Variants in BID observed in about 807,000 individuals in gnomAD.
BID encodes BH3 interacting domain death agonist.
BID carries 19 observed loss-of-function variants against 17.4 expected under a neutral mutation model. That is an observed-to-expected ratio of 1.09 (90% CI 0.76 to 1.60). BID has a LOEUF of 1.60. Ranked by LOEUF, BID falls within the 40% of genes most tolerant of loss-of-function variation. The pLI is 0.00. For missense variants in BID, 226 were observed against 256.0 expected (o/e 0.88, Z 0.80); for synonymous variants, 108 against 102.8 (o/e 1.05, Z -0.31).
chr22:17,736,457 CAAAAAA>C (rs10559377), intron 5 of BID, among the ~76,000 whole-genome samples: 2 of 136,452 alleles, frequency 1.5e-5, no homozygotes, highest in African/African-American at 2.8e-5. Flanking sequence ...AATTCTGTCT[CAAAAAA>C]AAAAAAAAAA....
chr22:17,756,431 T>TCTTC (rs2061586201), intron 1 of BID, among the ~76,000 whole-genome samples: 1 of 55,558 alleles, frequency 1.8e-5, no homozygotes, highest in Non-Finnish European at 4.3e-5. Context: ...TTTCTTTCTT[T>TCTTC]CTTCTTTCTT....
chr22:17,755,185 C>T (rs553676771), intron 1 of BID, among the ~76,000 whole-genome samples: 53 of 150,976 alleles, frequency 3.5e-4, no homozygotes, highest in African/African-American at 9.0e-4. Flanking sequence ...CCCAGGTTCA[C>T]GCCATTCTCC....
chr22:17,737,785 G>GA (rs1285665955), intron 5 of BID, among the ~76,000 whole-genome samples: 1 of 152,216 alleles, frequency 6.6e-6, no homozygotes, highest in African/African-American at 2.4e-5. Context: ...CCACCCCTCT[G>GA]AATGGAGCAT....
intron 1 of BID, among the ~76,000 whole-genome samples, chr22:17,754,591 G>A (rs1755794386): frequency 6.6e-6 from 1 of 152,238 alleles, no homozygotes; most frequent in Admixed American, 6.5e-5. Context: ...ATAGAGGCAT[G>A]GGTCACACGG....
rs2061404877 is a variant in BID at position 17,734,275 on chromosome 22, T to A, written c.*1305A>T. 1 of 152,088 alleles carries A rather than the reference T, an allele frequency of 6.6e-6. No homozygotes were observed. Among genetic ancestry groups the A allele is most frequent in the Non-Finnish European group, 1.5e-5 (1 of 67,982 alleles). The allele number at this position is 152,088 out of a possible 1,614,324, so 9.4% of individuals were successfully genotyped here. ...GGTATGTATTGCATGCTGAACAATA[T>A]AGAGTTTGTTTTTCCTTTCTGATGA... On this transcript the variant is annotated 3_prime_UTR_variant, in exon 6 of 6. Transcript: ENST00000622694.
intron 1 of BID, among the ~76,000 whole-genome samples, chr22:17,751,052 G>A (rs1429998962): frequency 6.6e-6 from 1 of 151,792 alleles, no homozygotes; most frequent in African/African-American, 2.4e-5. Context: ...AAAAAGATCT[G>A]TGCGGCATCA....
intron 1 of BID, among the ~76,000 whole-genome samples, chr22:17,755,317 A>C (rs899696080): frequency 6.6e-6 from 1 of 152,166 alleles, no homozygotes; most frequent in South Asian, 2.1e-4. Context: ...TGCTCCGTGC[A>C]GTGCCAAGGA....
intron 1 of BID, among the ~76,000 whole-genome samples, chr22:17,757,502 A>G (rs1208015665): frequency 6.6e-6 from 1 of 151,136 alleles, no homozygotes; most frequent in East Asian, 1.9e-4. Flanking sequence ...AGGTCAGGAG[A>G]TCCAGACCAT....
intron 1 of BID, among the ~76,000 whole-genome samples, chr22:17,755,897 T>TCA (rs910841293): frequency 5.9e-5 from 9 of 152,188 alleles, no homozygotes; most frequent in African/African-American, 2.2e-4. Flanking sequence ...AGACGGAGTC[T>TCA]CACTCTGTCG....
At chr22:17,761,591 C>T (rs1157948024) in intron 1 of BID, among the ~76,000 whole-genome samples, 1 of 152,018 alleles carries the variant, frequency 6.6e-6, no homozygotes, top group African/African-American at 2.4e-5. Flanking sequence ...GCCACCACGC[C>T]CGGCTAATTT....
chr22:17,744,592 G>A lies in BID; in HGVS notation c.13-579C>T, dbSNP rs8190309. ...GCCAAGCTTGGTTTACTTTGGGTGGGTGTGTCCTTAATCCGAATCCCACAG... is the reference window on the plus strand; with the variant it reads ...GCCAAGCTTGGTTTACTTTGGGTGGATGTGTCCTTAATCCGAATCCCACAG... On this transcript the variant is annotated intron_variant, in intron 2 of 5. Transcript: ENST00000622694. 1.7e-3 allele frequency among the ~76,000 whole-genome samples: 264 copies of A among 152,356 alleles called. 1 individual carries two copies. The highest frequency in any genetic ancestry group is 6.0e-3 in the African/African-American group (250 of 41,590).
intron 1 of BID, among the ~76,000 whole-genome samples, chr22:17,762,911 C>CT (rs1345708953): frequency 6.6e-6 from 1 of 152,110 alleles, no homozygotes; most frequent in African/African-American, 2.4e-5. Flanking sequence ...GAGTCTCACT[C>CT]TGTCACCCAG....
At chr22:17,759,367 T>C (rs2061619793) in intron 1 of BID, among the ~76,000 whole-genome samples, 1 of 151,778 alleles carries the variant, frequency 6.6e-6, no homozygotes, top group Admixed American at 6.6e-5. Context: ...AAGACCAGCC[T>C]GGCCAACATG....
intron 1 of BID, among the ~76,000 whole-genome samples, chr22:17,767,391 A>C (rs1157625429): frequency 2.0e-5 from 3 of 152,216 alleles, no homozygotes; most frequent in African/African-American, 7.2e-5. Context: ...ACTCAAAAAA[A>C]GTTTTCCACA....
chr22:17,741,154 T>G (rs1347089304), intron 3 of BID: 1 of 152,068 alleles, frequency 6.6e-6, no homozygotes, highest in Non-Finnish European at 1.5e-5. Context: ...TCCCCTTAGC[T>G]CTCATCTGAT....
intron 2 of BID, among the ~76,000 whole-genome samples, chr22:17,746,521 C>G (rs759225200): frequency 5.3e-5 from 8 of 152,218 alleles, no homozygotes; most frequent in Non-Finnish European, 1.2e-4. Flanking sequence ...ATTCCTGCCT[C>G]AAGCGACAGT....
intron 1 of BID, among the ~76,000 whole-genome samples, chr22:17,751,138 C>A (rs1056579400): frequency 2.5e-4 from 38 of 151,380 alleles, no homozygotes; most frequent in Non-Finnish European, 4.6e-4. Flanking sequence ...TTTGGGAGGC[C>A]GAGGCGGGTG....
At chr22:17,757,558 A>T (rs1418386298) in intron 1 of BID, among the ~76,000 whole-genome samples, 2 of 151,668 alleles carry the variant, frequency 1.3e-5, no homozygotes, top group Admixed American at 6.6e-5. Context: ...AATACAAAAA[A>T]ATTAGCCGGG....
intron 1 of BID, among the ~76,000 whole-genome samples, chr22:17,759,417 G>A (rs887409923): frequency 1.3e-5 from 2 of 150,534 alleles, no homozygotes; most frequent in Non-Finnish European, 3.0e-5. Context: ...AAAATTAGCC[G>A]GGCGTGCACC....
Sources: allele counts gnomAD v4.1 joint callset (sites outside exome capture counted in the v4.1 genomes callset), GRCh38; gene constraint gnomAD v4.1.1; transcripts MANE v1.5; gene names NCBI Gene and HGNC (gene_info 2026-07-23, HGNC 2026-07-21).